Variants in UBE3D observed in about 807,000 individuals in gnomAD.
UBE3D encodes the protein E3 ubiquitin-protein ligase E3D.
In UBE3D, 48 loss-of-function variants were observed where a neutral mutation model predicts 49.6. The ratio of observed to expected loss-of-function variants is 0.97; its 90% CI spans 0.77 to 1.23. The LOEUF (loss-of-function observed/expected upper bound fraction) is 1.23. UBE3D is among the 50% of genes most tolerant of loss of function. UBE3D has a pLI of 0.00. For missense variants in UBE3D, 452 were observed against 468.4 expected, an observed-to-expected ratio of 0.96 and a Z score of 0.32; for synonymous variants, 189 against 174.2, an observed-to-expected ratio of 1.08 and a Z score of -0.67.
In UBE3D at chr6:83,042,204, G is replaced by A. The variant is rs138832523; in HGVS notation, c.597+2224C>T. Among the ~76,000 whole-genome samples, 828 of 152,180 alleles carry A rather than the reference G, an allele frequency of 5.4e-3. 16 individuals are homozygous for A. The highest frequency in any genetic ancestry group is 0.019 in the East Asian group (96 of 5,186). ...ATTACAGGCATGAGCCACTGCGCCC[G>A]GCCCAAGATGCAAAATTTGTATTAT... On this transcript the variant is annotated intron_variant, in intron 4 of 9. Coordinates refer to ENST00000369747, the MANE Select transcript of UBE3D (RefSeq NM_198920.3).
intron 8 of UBE3D, among the ~76,000 whole-genome samples, chr6:82,969,438 C>A (rs1777186773): frequency 6.6e-6 from 1 of 152,062 alleles, no homozygotes; most frequent in South Asian, 2.1e-4. Flanking sequence ...GAAATCCCGT[C>A]TTTACTAAAA....
intron 9 of UBE3D, among the ~76,000 whole-genome samples, chr6:82,918,990 A>G (rs1175331148): frequency 6.6e-6 from 1 of 152,074 alleles, no homozygotes; most frequent in Admixed American, 6.6e-5. Context: ...CATCTCCATG[A>G]TTGGCCTCCT....
intron 3 of UBE3D, among the ~76,000 whole-genome samples, chr6:83,048,388 G>A (rs1783225614): frequency 6.6e-6 from 1 of 152,158 alleles, no homozygotes. Context: ...TTTAGAGTGG[G>A]AGGGAGTTAG....
intron 8 of UBE3D, among the ~76,000 whole-genome samples, chr6:83,003,094 G>A (rs57822845): frequency 0.055 from 8,317 of 152,014 alleles, 397 homozygotes; most frequent in African/African-American, 0.12. Context: ...TAATAAAAAA[G>A]AGAAAAAAGA....
At chr6:82,980,896 T>C (rs1432009748) in intron 8 of UBE3D, among the ~76,000 whole-genome samples, 1 of 152,140 alleles carries the variant, frequency 6.6e-6, no homozygotes, top group Non-Finnish European at 1.5e-5. Flanking sequence ...CTAGATTCTC[T>C]ATTCTCTTCC....
At chr6:83,052,589 T>A (rs1381842821) in intron 3 of UBE3D, among the ~76,000 whole-genome samples, 2 of 152,080 alleles carry the variant, frequency 1.3e-5, no homozygotes, top group Non-Finnish European at 2.9e-5. Flanking sequence ...ATGAAAAGGC[T>A]GTGGGGCTGC....
chr6:82,933,147 A>G (rs1774299519), intron 9 of UBE3D, among the ~76,000 whole-genome samples: 1 of 152,090 alleles, frequency 6.6e-6, no homozygotes, highest in African/African-American at 2.4e-5. Context: ...TCACAGTATG[A>G]CTCTCTAGGC....
intron 9 of UBE3D, among the ~76,000 whole-genome samples, chr6:82,922,010 A>G (rs1773380556): frequency 6.6e-6 from 1 of 152,262 alleles, no homozygotes; most frequent in Non-Finnish European, 1.5e-5. Flanking sequence ...CAGAAAGGAA[A>G]AAATATAAGA....
intron 1 of UBE3D, among the ~76,000 whole-genome samples, chr6:83,058,512 G>A (rs368675894): frequency 6.6e-6 from 1 of 152,168 alleles, no homozygotes; most frequent in Admixed American, 6.5e-5. Flanking sequence ...AGGCAATAAA[G>A]AGTAAAACAC....
chr6:82,980,504 A>G (rs1304942023), intron 8 of UBE3D, among the ~76,000 whole-genome samples: 1 of 151,976 alleles, frequency 6.6e-6, no homozygotes, highest in Non-Finnish European at 1.5e-5. Context: ...TATTTTACAG[A>G]TATTTTCTCC....
chr6:82,958,634 C>T (rs1432420396), intron 8 of UBE3D, among the ~76,000 whole-genome samples: 1 of 152,174 alleles, frequency 6.6e-6, no homozygotes, highest in African/African-American at 2.4e-5. Context: ...CGTTGAAGTA[C>T]TGGCCAACTA....
chr6:82,924,138 T>C (rs766945347), intron 9 of UBE3D, among the ~76,000 whole-genome samples: 2 of 151,600 alleles, frequency 1.3e-5, no homozygotes, highest in African/African-American at 4.8e-5. Flanking sequence ...AGTCCACAAA[T>C]GGCAGCCATT....
At chr6:82,952,118 C>T (rs1775844459) in intron 9 of UBE3D, among the ~76,000 whole-genome samples, 1 of 152,130 alleles carries the variant, frequency 6.6e-6, no homozygotes, top group South Asian at 2.1e-4. Context: ...CACTTAAAAA[C>T]ATCTTACTTT....
At chr6:83,030,219 A>G (rs754248273) in intron 5 of UBE3D, among the ~76,000 whole-genome samples, 17 of 152,060 alleles carry the variant, frequency 1.1e-4, no homozygotes, top group Non-Finnish European at 2.5e-4. Flanking sequence ...TAAAAAAAAA[A>G]GACGTTTCTG....
intron 9 of UBE3D, among the ~76,000 whole-genome samples, chr6:82,915,126 A>T (rs1300993160): frequency 2.0e-5 from 3 of 152,176 alleles, no homozygotes; most frequent in African/African-American, 4.8e-5. Flanking sequence ...AGAATGTTCT[A>T]TAACTTGGGA....
At chr6:83,019,435 G>A (rs1323906704) in intron 7 of UBE3D, among the ~76,000 whole-genome samples, 1 of 150,162 alleles carries the variant, frequency 6.7e-6, no homozygotes, top group Non-Finnish European at 1.5e-5. Flanking sequence ...GAGAAATACA[G>A]GCAAAGAATA....
intron 3 of UBE3D, among the ~76,000 whole-genome samples, chr6:83,046,769 G>T (rs1014655279): frequency 2.0e-5 from 3 of 151,256 alleles, no homozygotes; most frequent in African/African-American, 7.3e-5. Context: ...ATTTCTACAA[G>T]CACACAAAAT....
chr6:82,901,681 T>C (rs911865513), intron 9 of UBE3D, among the ~76,000 whole-genome samples: 2 of 152,320 alleles, frequency 1.3e-5, no homozygotes, highest in African/African-American at 2.4e-5. Context: ...TCTTCATTTC[T>C]AGACCAGTGC....
chr6:82,882,796 A>G, the UBE3D span, among the ~76,000 whole-genome samples: 35 of 152,086 alleles, frequency 2.3e-4, no homozygotes, highest in African/African-American at 7.2e-4. Flanking sequence ...TTTTTTTTAC[A>G]GCCACAAAGA....
Sources: gnomAD v4.1 joint callset for allele counts (sites outside exome capture counted in the v4.1 genomes callset) on GRCh38, gnomAD v4.1.1 for gene constraint, MANE v1.5 for transcripts, NCBI Gene and HGNC (gene_info 2026-07-23, HGNC 2026-07-21) for gene names.